Variants in DPP6 observed in about 807,000 individuals in gnomAD.
DPP6 encodes the protein A-type potassium channel modulatory protein DPP6.
In DPP6, 69 loss-of-function variants were observed where a neutral mutation model predicts 122.6. The ratio of observed to expected loss-of-function variants is 0.56; its 90% CI spans 0.46 to 0.69. DPP6 has a LOEUF of 0.69. Ranked by LOEUF, DPP6 falls within the 30% of genes least tolerant of loss-of-function variation. The pLI is 0.00. For synonymous variants in DPP6, 418 were observed against 433.1 expected, an observed-to-expected ratio of 0.97 and a Z score of 0.43; for missense variants, 928 against 1,116.9, an observed-to-expected ratio of 0.83 and a Z score of 2.41.
chr7:154,827,472 C>T (rs962698979), intron 16 of DPP6, among the ~76,000 whole-genome samples: 1 of 152,036 alleles, frequency 6.6e-6, no homozygotes. Context: ...GGCATCTGCC[C>T]GCCTGGGAGC....
intron 3 of DPP6, among the ~76,000 whole-genome samples, chr7:154,504,583 T>C (rs1222662280): frequency 6.6e-6 from 1 of 152,134 alleles, no homozygotes; most frequent in African/African-American, 2.4e-5. Flanking sequence ...GACCTAATTT[T>C]TATGAAAAAT....
chr7:154,610,823 T>G (rs554794255), intron 5 of DPP6, among the ~76,000 whole-genome samples: 1 of 152,138 alleles, frequency 6.6e-6, no homozygotes, highest in African/African-American at 2.4e-5. Flanking sequence ...ATTTTCACCC[T>G]TATTCACTCA....
chr7:154,733,635 G>A (rs1842442706), intron 8 of DPP6, among the ~76,000 whole-genome samples: 1 of 152,204 alleles, frequency 6.6e-6, no homozygotes, highest in Non-Finnish European at 1.5e-5. Flanking sequence ...GAGTATTCAA[G>A]GAGGTGGAGA....
intron 1 of DPP6, among the ~76,000 whole-genome samples, chr7:153,993,364 C>A (rs576863587): frequency 6.6e-6 from 1 of 152,132 alleles, no homozygotes; most frequent in Admixed American, 6.5e-5. Context: ...CACTGATATT[C>A]GTTTAAATTT....
intron 3 of DPP6, among the ~76,000 whole-genome samples, chr7:154,524,310 A>G (rs970807765): frequency 1.3e-5 from 2 of 152,134 alleles, no homozygotes; most frequent in African/African-American, 4.8e-5. Flanking sequence ...GGATTGTCCT[A>G]ACTTTGACCA....
chr7:154,782,149 C>T (rs948089139), intron 10 of DPP6, among the ~76,000 whole-genome samples: 4 of 152,140 alleles, frequency 2.6e-5, no homozygotes, highest in East Asian at 1.9e-4. Flanking sequence ...CACCTAGAAC[C>T]GTGTCTCCCA....
In DPP6 at chr7:153,920,923, A is replaced by G. The variant is rs182593407; in HGVS notation, c.51+33189A>G. 2.7e-3 allele frequency among the ~76,000 whole-genome samples: 412 copies of G among 152,296 alleles called. 1 individual carries two copies. Among genetic ancestry groups the G allele is most frequent in the African/African-American group, 9.7e-3 (402 of 41,558 alleles). On this transcript the variant is annotated intron_variant, in intron 1 of 25. Coordinates refer to the DPP6 transcript ENST00000404039. ...CAATTTCACTATCATCATGCACCAAATAAGTCACTTCCTAGATTAAAATAC... is the reference window on the plus strand; with the variant it reads ...CAATTTCACTATCATCATGCACCAAGTAAGTCACTTCCTAGATTAAAATAC...
the DPP6 span, among the ~76,000 whole-genome samples, chr7:153,834,915 T>A: frequency 4.6e-5 from 7 of 152,216 alleles, no homozygotes; most frequent in Admixed American, 4.6e-4. Context: ...TAGCAAGTAC[T>A]CTGTACAATA....
chr7:154,448,897 G>C (rs369970212), intron 2 of DPP6, among the ~76,000 whole-genome samples: 2 of 152,128 alleles, frequency 1.3e-5, no homozygotes, highest in Non-Finnish European at 2.9e-5. Flanking sequence ...CCCCCAACTC[G>C]TACCATATAC....
intron 1 of DPP6, among the ~76,000 whole-genome samples, chr7:154,270,466 G>A (rs921336647): frequency 4.6e-5 from 7 of 152,232 alleles, no homozygotes; most frequent in East Asian, 1.9e-4. Context: ...CTAGAAGCTC[G>A]TAAGGGTCTG....
chr7:153,918,060 A>G (rs766444072), intron 1 of DPP6, among the ~76,000 whole-genome samples: 3 of 152,220 alleles, frequency 2.0e-5, no homozygotes, highest in Non-Finnish European at 2.9e-5. Context: ...AGAACATGCT[A>G]TATGTGACAC....
rs113050931 is a variant in DPP6 at position 154,879,676 on chromosome 7, T to C, written c.2079-1212T>C. Among the ~76,000 whole-genome samples the C allele has an allele frequency of 3.3e-3, 494 of 151,426 alleles. 4 individuals are homozygous for C. The highest frequency in any genetic ancestry group is 0.01 in the African/African-American group (427 of 41,292). On this transcript the variant is annotated intron_variant, in intron 20 of 25. Coordinates refer to ENST00000377770, the MANE Select transcript of DPP6 (RefSeq NM_130797.4). Reference sequence around the variant, plus strand: ...TTGAGGCAGGAGGATCGCTTGAACCTGGGAGGCAGAGGTTGCGGTGAGCCA... The same window carrying C: ...TTGAGGCAGGAGGATCGCTTGAACCCGGGAGGCAGAGGTTGCGGTGAGCCA...
intron 1 of DPP6, among the ~76,000 whole-genome samples, chr7:154,285,884 C>T (rs74424468): frequency 0.017 from 2,606 of 152,222 alleles, 34 homozygotes; most frequent in Non-Finnish European, 0.023. Context: ...AGGAAAACTC[C>T]GGCGTGTTTT....
the DPP6 span, among the ~76,000 whole-genome samples, chr7:153,814,882 G>T: frequency 0.017 from 2,552 of 152,012 alleles, 69 homozygotes; most frequent in African/African-American, 0.058. Context: ...AATAGATGCA[G>T]AAAAGGCCTT....
upstream of DPP6, among the ~76,000 whole-genome samples, chr7:153,886,812 C>A (rs1002000100): frequency 1.3e-5 from 2 of 152,186 alleles, no homozygotes; most frequent in African/African-American, 4.8e-5. Flanking sequence ...GCCAGACTTG[C>A]GGGCGACGGG....
chr7:154,275,782 G>A (rs576444929), intron 1 of DPP6, among the ~76,000 whole-genome samples: 2 of 152,326 alleles, frequency 1.3e-5, no homozygotes, highest in East Asian at 3.9e-4. Context: ...CCCTCAAGAG[G>A]AGGAGAGAGT....
intron 3 of DPP6, among the ~76,000 whole-genome samples, chr7:154,513,317 T>C (rs1826227692): frequency 6.6e-6 from 1 of 152,216 alleles, no homozygotes; most frequent in Non-Finnish European, 1.5e-5. Flanking sequence ...TCTGCATTAC[T>C]GTGGGTAGTC....
intron 1 of DPP6, among the ~76,000 whole-genome samples, chr7:154,184,162 C>CA (rs1266318330): frequency 1.3e-5 from 2 of 151,702 alleles, no homozygotes; most frequent in Non-Finnish European, 2.9e-5. Context: ...GGACCCTCAG[C>CA]ATCAGGCAAT....
chr7:154,803,076 G>C (rs762874111), intron 13 of DPP6, among the ~76,000 whole-genome samples: 1 of 152,090 alleles, frequency 6.6e-6, no homozygotes, highest in Admixed American at 6.5e-5. Flanking sequence ...CCTACACGCT[G>C]TCTGCGCCCC....
Sources: allele counts gnomAD v4.1 joint callset (sites outside exome capture counted in the v4.1 genomes callset), GRCh38; gene constraint gnomAD v4.1.1; transcripts MANE v1.5; gene names NCBI Gene and HGNC (gene_info 2026-07-23, HGNC 2026-07-21).